GRIK1: variants seen among roughly 807,000 people sequenced by gnomAD.
The protein encoded by GRIK1 is glutamate receptor ionotropic, kainate 1.
GRIK1 carries 69 observed loss-of-function variants against 105.7 expected under a neutral mutation model. The observed-to-expected ratio is 0.65, with a 90% confidence interval of 0.54 to 0.80. The LOEUF is 0.80. Among genes scored for constraint, GRIK1 ranks in the 30% least tolerant of loss-of-function variants. The pLI, the probability that GRIK1 is intolerant of heterozygous loss-of-function variation, is 0.00. For missense variants in GRIK1, 1,109 were observed against 1,167.3 expected, an observed-to-expected ratio of 0.95 and a Z score of 0.73; for synonymous variants, 438 against 431.3, an observed-to-expected ratio of 1.02 and a Z score of -0.19.
intron 1 of GRIK1, among the ~76,000 whole-genome samples, chr21:29,796,470 C>G (rs557538401): frequency 6.6e-6 from 1 of 152,030 alleles, no homozygotes; most frequent in East Asian, 1.9e-4. Flanking sequence ...GAAATTATAT[C>G]TGTATAATAT....
intron 1 of GRIK1, among the ~76,000 whole-genome samples, chr21:29,806,678 A>G (rs2066872168): frequency 6.6e-6 from 1 of 152,140 alleles, no homozygotes; most frequent in Non-Finnish European, 1.5e-5. Flanking sequence ...AGAGTCTAGC[A>G]TTAATTAATT....
At chr21:29,709,331 A>G (rs1200912709) in intron 1 of GRIK1, among the ~76,000 whole-genome samples, 1 of 132,572 alleles carries the variant, frequency 7.5e-6, no homozygotes, top group African/African-American at 2.9e-5. Flanking sequence ...CCCAGATTGG[A>G]GTGCCGTGGT....
At chr21:29,725,925 C>T (rs933596892) in intron 1 of GRIK1, among the ~76,000 whole-genome samples, 3 of 152,180 alleles carry the variant, frequency 2.0e-5, no homozygotes, top group African/African-American at 4.8e-5. Context: ...CACTTCAGCA[C>T]GTTCCCAAAG....
intron 14 of GRIK1, among the ~76,000 whole-genome samples, chr21:29,570,310 G>A (rs138474991): frequency 0.022 from 3,420 of 152,184 alleles, 131 homozygotes; most frequent in African/African-American, 0.077. Context: ...AGACAAGCCT[G>A]TTCAACATGG....
intron 1 of GRIK1, among the ~76,000 whole-genome samples, chr21:29,823,529 G>C (rs1276305607): frequency 6.6e-6 from 1 of 151,772 alleles, no homozygotes; most frequent in African/African-American, 2.4e-5. Context: ...TCTTGAAACT[G>C]GATATGAAAA....
intron 14 of GRIK1, among the ~76,000 whole-genome samples, chr21:29,570,165 A>G (rs921235986): frequency 6.6e-6 from 1 of 152,114 alleles, no homozygotes; most frequent in African/African-American, 2.4e-5. Context: ...TGGATTATTA[A>G]TTAGTATTAT....
intron 1 of GRIK1, among the ~76,000 whole-genome samples, chr21:29,704,732 T>C (rs1266695307): frequency 6.6e-6 from 1 of 152,204 alleles, no homozygotes; most frequent in African/African-American, 2.4e-5. Context: ...ACTGCCTTTT[T>C]AGCAGTGATT....
intron 1 of GRIK1, among the ~76,000 whole-genome samples, chr21:29,766,559 T>A (rs991877747): frequency 2.0e-5 from 3 of 152,210 alleles, no homozygotes; most frequent in Admixed American, 2.0e-4. Flanking sequence ...GTTTTGGATT[T>A]TATTCCACAG....
intron 1 of GRIK1, among the ~76,000 whole-genome samples, chr21:29,731,229 A>C (rs1190862980): frequency 3.3e-5 from 5 of 152,198 alleles, no homozygotes; most frequent in African/African-American, 7.2e-5. Flanking sequence ...CTTTTCTGCG[A>C]AAACTTTGGC....
intron 1 of GRIK1, among the ~76,000 whole-genome samples, chr21:29,827,120 T>C (rs558492505): frequency 9.7e-4 from 148 of 152,208 alleles, no homozygotes; most frequent in African/African-American, 3.4e-3. Flanking sequence ...AAAAATTAAT[T>C]ATATTTAGGG....
At chr21:29,909,140 A>G (rs2070734575) in intron 1 of GRIK1, among the ~76,000 whole-genome samples, 1 of 152,114 alleles carries the variant, frequency 6.6e-6, no homozygotes, top group Admixed American at 6.5e-5. Context: ...TTAGAAAAAA[A>G]TATTTGTACT....
intron 15 of GRIK1, among the ~76,000 whole-genome samples, chr21:29,557,504 A>G (rs887966061): frequency 2.0e-5 from 3 of 152,176 alleles, no homozygotes; most frequent in South Asian, 2.1e-4. Context: ...CCACCCCTAC[A>G]TAAGCCTTAT....
At chr21:29,651,351 AAAG>A in intron 5 of GRIK1, 60 bp from the exon 6 acceptor site, 1 of 1,099,078 alleles carries the variant, frequency 9.1e-7, no homozygotes, top group African/African-American at 1.6e-5. Flanking sequence ...TTTTTATACA[AAAG>A]AATATTAATG....
Position 29,629,796 on chromosome 21 carries a change from TCA to T in GRIK1, c.1098+13028_1098+13029del, listed in dbSNP as rs374805524. Among the ~76,000 whole-genome samples the T allele has an allele frequency of 3.2e-4, 48 of 152,266 alleles. 1 individual carries two copies. The East Asian group carries it at 8.7e-3, about 28-fold the overall frequency. Reference sequence around the variant, plus strand: ...GAGCCACCGCGCCTGGCCAATTTTCTCACATAAGTTGGCAGTAAGTTGAGAAT... The same window carrying T: ...GAGCCACCGCGCCTGGCCAATTTTCTCATAAGTTGGCAGTAAGTTGAGAAT... On this transcript the variant is annotated intron_variant, in intron 7 of 17. Coordinates refer to ENST00000327783, the MANE Select transcript of GRIK1 (RefSeq NM_001330994.2).
intron 5 of GRIK1, among the ~76,000 whole-genome samples, chr21:29,651,698 T>C (rs11088125): frequency 0.43 from 64,722 of 151,728 alleles, 15,149 homozygotes; most frequent in African/African-American, 0.63. Flanking sequence ...TCATAATGGT[T>C]CCAGTCTGCA....
Position 29,939,730 on chromosome 21 carries a change from C to A in GRIK1, c.-230G>T. 5.2e-6 allele frequency: 2 copies of A among 382,692 alleles called. No homozygotes were observed. The highest frequency in any genetic ancestry group is 9.3e-6 in the Non-Finnish European group (2 of 215,032). The allele number at this position is 382,692 out of a possible 1,614,324, so 23.7% of individuals were successfully genotyped here. A position where few individuals can be genotyped will look rare whatever the true frequency, so the allele number is the denominator to read the frequency against. ...GTGCTGTCGCTAGCCCATCACGGCT[C>A]CTCCTCCTCCTCTTCCATGGGCCGC... On this transcript the variant is annotated 5_prime_UTR_variant, in exon 1 of 18. It introduces an in-frame stop codon into an upstream open reading frame of the 5' UTR. Transcript: ENST00000327783.
chr21:29,739,983 T>C (rs116194919), intron 1 of GRIK1, among the ~76,000 whole-genome samples: 2,307 of 152,324 alleles, frequency 0.015, 68 homozygotes, highest in African/African-American at 0.053. Context: ...TGCACACACA[T>C]GCACACACAT....
chr21:29,850,462 G>A lies in GRIK1; in HGVS notation c.118+88921C>T, dbSNP rs924464708. ...AATGTTCTAACTGCATACACACCCT[G>A]TACCCAATCTCAGATATCCTCTCCC... On this transcript the variant is annotated intron_variant, in intron 1 of 17. Transcript: ENST00000327783. 2.0e-5 allele frequency among the ~76,000 whole-genome samples: 3 copies of A among 152,192 alleles called. No individual in the cohort carries two copies. The Middle Eastern group carries it at 0.01, about 518-fold the overall frequency.
chr21:29,938,026 T>C (rs2071833714), intron 1 of GRIK1, among the ~76,000 whole-genome samples: 1 of 152,226 alleles, frequency 6.6e-6, no homozygotes, highest in Admixed American at 6.5e-5. Flanking sequence ...AAAGTTAGTA[T>C]TTGATATCTG....
Sources: gnomAD v4.1 joint callset for allele counts (sites outside exome capture counted in the v4.1 genomes callset) on GRCh38, gnomAD v4.1.1 for gene constraint, MANE v1.5 for transcripts, NCBI Gene and HGNC (gene_info 2026-07-23, HGNC 2026-07-21) for gene names.